Variants in TRIOBP observed in about 807,000 individuals in gnomAD.
TRIOBP encodes the protein TRIO and F-actin binding protein.
Under a neutral mutation model 238.8 loss-of-function variants are expected in TRIOBP, and 169 were observed. That is an observed-to-expected ratio of 0.71 (90% CI 0.62 to 0.80). The LOEUF (loss-of-function observed/expected upper bound fraction) is 0.80. TRIOBP is among the 30% of genes least tolerant of loss of function. TRIOBP has a pLI of 0.00. For missense variants in TRIOBP, 2,838 were observed against 3,122.6 expected (o/e 0.91, Z 2.17); for synonymous variants, 1,150 against 1,274.4 (o/e 0.90, Z 2.08).
chr22:37,706,483 A>T (rs1922949323), intron 3 of TRIOBP, among the ~76,000 whole-genome samples: 1 of 152,142 alleles, frequency 6.6e-6, no homozygotes, highest in South Asian at 2.1e-4. Context: ...CCAGGAGCCA[A>T]GACCAGAGAT....
chr22:37,773,654 G>T (rs983832842), intron 23 of TRIOBP, 129 bp from the exon 24 acceptor site: 1 of 152,420 alleles, frequency 6.6e-6, no homozygotes, highest in African/African-American at 2.4e-5. Context: ...GAGCCAGGAA[G>T]AGCGGATCTG....
rs777282480 is a variant in TRIOBP at position 37,723,399 on chromosome 22, C to G, written c.843C>G (p.Pro281=). The change falls in exon 7 of 24, where the codon CCC becomes CCG. Residue 281 remains proline, a synonymous_variant. Transcript: ENST00000644935. ...STREIPRASS[P]HRITQRDTSR... is the part of the protein sequence containing the mutation. ...GTGAAATCCCCAGAGCCTCCTCTCC[C>G]CATCGAATCACCCAAAGGGACACCT... 6.2e-7 allele frequency: 1 copy of G among 1,613,856 alleles called. No individual in the cohort carries two copies. Among genetic ancestry groups the G allele is most frequent in the East Asian group, 2.2e-5 (1 of 44,858 alleles).
At chr22:37,770,404 C>T (rs1285131525) in intron 21 of TRIOBP, among the ~76,000 whole-genome samples, 2 of 137,270 alleles carry the variant, frequency 1.5e-5, no homozygotes, top group African/African-American at 2.7e-5. Context: ...GAGCCGAGAT[C>T]GTGCCACTGC....
intron 12 of TRIOBP, 129 bp from the exon 13 acceptor site, chr22:37,754,748 G>A: frequency 1.2e-6 from 1 of 860,254 alleles, no homozygotes; most frequent in Non-Finnish European, 2.0e-6. Flanking sequence ...AGGAAATGGA[G>A]GGGCCAGGTC....
chr22:37,704,747 A>T (rs1163570870), intron 3 of TRIOBP, among the ~76,000 whole-genome samples: 2 of 151,416 alleles, frequency 1.3e-5, no homozygotes, highest in Non-Finnish European at 2.9e-5. Flanking sequence ...AGAGGAAGGA[A>T]GGAGAATGTG....
intron 11 of TRIOBP, chr22:37,746,280 G>A: frequency 9.2e-7 from 1 of 1,087,792 alleles, no homozygotes; most frequent in East Asian, 5.8e-5. Context: ...GGGAAAGGAA[G>A]GGCCGGAGGC....
At chr22:37,747,598 C>A (rs1048495710) in intron 11 of TRIOBP, among the ~76,000 whole-genome samples, 1 of 152,202 alleles carries the variant, frequency 6.6e-6, no homozygotes, top group Non-Finnish European at 1.5e-5. Flanking sequence ...CAGCAGCCTC[C>A]CCTTTTCTGT....
rs10666177 is a variant in TRIOBP at position 37,767,304 on chromosome 22, C to CAAA, written c.6473-761_6473-759dup. Among the ~76,000 whole-genome samples the CAAA allele has an allele frequency of 9.8e-4, 138 of 140,644 alleles. 8 individuals carry two copies. Among genetic ancestry groups the CAAA allele is most frequent in the South Asian group, 8.1e-3 (35 of 4,342 alleles). The allele number at this position is 140,644 out of a possible 152,430, so 92.3% of individuals were successfully genotyped here. On this transcript the variant is annotated intron_variant, in intron 18 of 23. Transcript: ENST00000644935. ...TGGGTGACAGAGTGAGACTCTGTCT[C>CAAA]AAAAAAAAAAAGAAAGAAAAAAAGG...
At chr22:37,753,596 G>C (rs903381717) in intron 12 of TRIOBP, among the ~76,000 whole-genome samples, 3 of 152,178 alleles carry the variant, frequency 2.0e-5, no homozygotes, top group Admixed American at 6.5e-5. Context: ...CTTCTTAGTA[G>C]CCCTACTTTA....
chr22:37,751,132 C>T (rs942097744), intron 11 of TRIOBP: 8 of 434,026 alleles, frequency 1.8e-5, no homozygotes, highest in African/African-American at 1.2e-4. Flanking sequence ...GCACAGGTCT[C>T]CATGGGACAT....
chr22:37,755,688 AG>A (rs767811090), intron 15 of TRIOBP, 29 bp downstream of exon 15: 1 of 1,605,222 alleles, frequency 6.2e-7, no homozygotes, highest in South Asian at 1.1e-5. Context: ...TGGGGCCTTG[AG>A]GGAGGCACTT....
intron 11 of TRIOBP, among the ~76,000 whole-genome samples, chr22:37,745,577 G>C (rs1394076118): frequency 3.3e-5 from 5 of 152,218 alleles, no homozygotes; most frequent in African/African-American, 7.2e-5. Context: ...CCATTTGTGA[G>C]GAGTGGGCAT....
chr22:37,753,561 G>A (rs369669406), intron 12 of TRIOBP, among the ~76,000 whole-genome samples: 401 of 152,310 alleles, frequency 2.6e-3, no homozygotes, highest in African/African-American at 9.1e-3. Flanking sequence ...TTATAGGCGC[G>A]AGCTACCGCG....
intron 3 of TRIOBP, among the ~76,000 whole-genome samples, chr22:37,708,247 CAAAAAAAA>C (rs34560689): frequency 2.3e-5 from 2 of 85,256 alleles, no homozygotes; most frequent in Admixed American, 1.2e-4. Context: ...CTCCGTCTCA[CAAAAAAAA>C]AAAAAAAAAA....
In TRIOBP at chr22:37,725,661, C is replaced by T. The variant is rs571174817; in HGVS notation, c.3105C>T (p.His1035=). The change falls in exon 7 of 24, where the codon CAC becomes CAT. Residue 1035 remains histidine, a synonymous_variant. Transcript: ENST00000644935. ...CTTCGCCCCCTCGCTATTTGCAGCA[C>T]GACCCCTTCCCCTTCTTCCCAGAGC... ...RASSPPRYLQ[H]DPFPFFPEPR... is the part of the protein sequence containing the mutation. 35 of 1,611,200 alleles carry T rather than the reference C, an allele frequency of 2.2e-5. No homozygotes were observed. Among genetic ancestry groups the T allele is most frequent in the African/African-American group, 1.5e-4 (11 of 74,254 alleles).
intron 5 of TRIOBP, among the ~76,000 whole-genome samples, chr22:37,715,295 G>A (rs1051555910): frequency 6.6e-6 from 1 of 152,032 alleles, no homozygotes; most frequent in South Asian, 2.1e-4. Flanking sequence ...GATTACAGGC[G>A]TGAGCCACTG....
chr22:37,764,621 C>T (rs926498547), intron 17 of TRIOBP, among the ~76,000 whole-genome samples: 20 of 152,180 alleles, frequency 1.3e-4, no homozygotes, highest in African/African-American at 4.8e-4. Flanking sequence ...AGTGAACCTA[C>T]TAGGTCAACC....
chr22:37,767,709 AG>A lies in TRIOBP; in HGVS notation c.6473-358del, dbSNP rs1014212157. ...TTGTTTGAGAGCCCTCAGAGTCTGC[AG>A]GGGGGGTGTACTAGGTGGGGTCCTA... On this transcript the variant is annotated intron_variant, in intron 18 of 23. Coordinates refer to ENST00000644935, the MANE Select transcript of TRIOBP (RefSeq NM_001039141.3). 3.3e-5 allele frequency among the ~76,000 whole-genome samples: 5 copies of A among 152,190 alleles called. 1 individual carries two copies. The highest frequency in any genetic ancestry group is 1.3e-4 in the Admixed American group (2 of 15,286).
chr22:37,734,728 G>T lies in TRIOBP; in HGVS notation c.4392G>T (p.Glu1464Asp). Residue 1464 changes from glutamate (E) to aspartate (D), a missense_variant, in exon 9 of 24, where the codon GAG (glutamate) becomes GAT (aspartate). Physicochemically the swap from Glu to Asp is conservative, Grantham distance 45 (BLOSUM62 2). Around this residue, in one of 5 missense-constraint regions of TRIOBP, gnomAD observed 2,096 missense variants for 2,137.4 expected, o/e 0.98. Transcript: ENST00000644935. ...CTGGGGGCTGGTGGGGATGTGGAGA[G>T]CCCAGCCTGGGGGCAGCCAAAGCCC... is the stretch of plus-strand genomic sequence containing the variant. ...LGPGGWWGCG[E>D]PSLGAAKAPE... 6.2e-7 allele frequency: 1 copy of T among 1,609,920 alleles called. No individual in the cohort carries two copies.
Sources: gnomAD v4.1 joint callset for allele counts (sites outside exome capture counted in the v4.1 genomes callset) on GRCh38, gnomAD v4.1.1 for gene constraint, gnomAD v4.1.1 regional missense constraint, MANE v1.5 for transcripts, NCBI Gene and HGNC (gene_info 2026-07-23, HGNC 2026-07-21) for gene names.